Variants in PPP1R9A observed in about 807,000 individuals in gnomAD.
PPP1R9A encodes the protein neurabin-1.
In PPP1R9A, 59 loss-of-function variants were observed where a neutral mutation model predicts 141.9. The ratio of observed to expected loss-of-function variants is 0.42; its 90% CI spans 0.34 to 0.52. The LOEUF (loss-of-function observed/expected upper bound fraction) is 0.52, where lower values mean the gene tolerates loss of function less well. Ranked by LOEUF, PPP1R9A falls within the 20% of genes least tolerant of loss-of-function variation. The pLI, the probability that PPP1R9A is intolerant of heterozygous loss-of-function variation, is 0.10. For synonymous variants in PPP1R9A, 500 were observed against 569.7 expected (o/e 0.88, Z 1.74); for missense variants, 1,444 against 1,611.9 (o/e 0.90, Z 1.78).
In PPP1R9A at chr7:95,284,332, T is replaced by C; in HGVS notation, c.3609+2T>C. 3 of 1,460,992 alleles carry C rather than the reference T, an allele frequency of 2.1e-6. No individual in the cohort carries two copies. Among genetic ancestry groups the C allele is most frequent in the Non-Finnish European group, 2.8e-6 (3 of 1,080,888 alleles). 90.5% of individuals were successfully genotyped at this position (1,460,992 alleles called of 1,614,324 possible). The stretch of plus-strand genomic sequence containing the variant: ...GTAGTCTGGATCCAAGAAACCAATG[T>C]AATAACACTGCAATAAACAATGCAT... On this transcript the variant is annotated splice_donor_variant, in intron 17 of 19. Transcript: ENST00000433360. LOFTEE classifies it high-confidence loss of function.
In PPP1R9A at chr7:95,284,260, A is replaced by C; in HGVS notation, c.3539A>C (p.Asn1180Thr). Residue 1180 changes from asparagine (N) to threonine (T), a missense_variant, in exon 17 of 20, where the codon AAT (asparagine) becomes ACT (threonine). By Grantham distance (65) the Asn-to-Thr change is moderately conservative (BLOSUM62 0). Coordinates refer to ENST00000433360, the MANE Select transcript of PPP1R9A (RefSeq NM_001166160.2). ...ACAAAAGCAAACAAGAGAAACCCAAATCCCTCCTCTTCTTCAATCTTTGGA... is the reference window on the plus strand; with the variant it reads ...ACAAAAGCAAACAAGAGAAACCCAACTCCCTCCTCTTCTTCAATCTTTGGA... ...WITKANKRNP[N>T]PSSSSIFGRH... The C allele has an allele frequency of 6.4e-7, 1 of 1,572,928 alleles. No individual in the cohort carries two copies.
chr7:95,192,807 AAAT>A (rs140845149), intron 5 of PPP1R9A, among the ~76,000 whole-genome samples: 1,736 of 152,232 alleles, frequency 0.011, 29 homozygotes, highest in African/African-American at 0.04. Flanking sequence ...TTCATAACTG[AAAT>A]AATAACCTTA....
At chr7:95,161,187 T>G (rs931430677) in intron 4 of PPP1R9A, among the ~76,000 whole-genome samples, 12 of 147,220 alleles carry the variant, frequency 8.2e-5, no homozygotes, top group South Asian at 2.1e-4. Flanking sequence ...CATCTGTTTG[T>G]TTTTTTTTTA....
intron 5 of PPP1R9A, among the ~76,000 whole-genome samples, chr7:95,176,311 A>G (rs2152769552): frequency 6.6e-6 from 1 of 152,264 alleles, no homozygotes; most frequent in East Asian, 1.9e-4. Flanking sequence ...GGGGGAGAGT[A>G]CTACATCAAG....
intron 2 of PPP1R9A, among the ~76,000 whole-genome samples, chr7:94,956,357 C>A (rs148482389): frequency 1.4e-4 from 21 of 152,080 alleles, no homozygotes; most frequent in Admixed American, 1.3e-3. Context: ...AATTTTAGAT[C>A]TTTTATTTTC....
At chr7:95,098,581 ATTC>A (rs1818350175) in intron 2 of PPP1R9A, among the ~76,000 whole-genome samples, 1 of 152,040 alleles carries the variant, frequency 6.6e-6, no homozygotes, top group Admixed American at 6.5e-5. Flanking sequence ...GTGTTTTGGC[ATTC>A]TCTTCCACCA....
At chr7:94,968,933 G>A (rs1401789907) in intron 2 of PPP1R9A, among the ~76,000 whole-genome samples, 5 of 151,404 alleles carry the variant, frequency 3.3e-5, no homozygotes, top group African/African-American at 1.2e-4. Context: ...TGATCGATTC[G>A]GCTATTGATA....
chr7:95,133,832 T>G (rs1274033999), intron 4 of PPP1R9A, among the ~76,000 whole-genome samples: 1 of 151,862 alleles, frequency 6.6e-6, no homozygotes, highest in Non-Finnish European at 1.5e-5. Context: ...TGGGACCACA[T>G]GTGCACACCA....
chr7:94,919,733 G>T (rs1792552954), intron 2 of PPP1R9A, among the ~76,000 whole-genome samples: 1 of 152,050 alleles, frequency 6.6e-6, no homozygotes, highest in Non-Finnish European at 1.5e-5. Flanking sequence ...TGAGTGATTT[G>T]AAGCAGATAT....
At chr7:95,106,536 A>G (rs1169447604) in intron 2 of PPP1R9A, among the ~76,000 whole-genome samples, 2 of 152,182 alleles carry the variant, frequency 1.3e-5, no homozygotes, top group African/African-American at 2.4e-5. Flanking sequence ...ACATATTTGT[A>G]TATATCATGA....
chr7:95,211,371 G>A (rs1348879130), intron 7 of PPP1R9A, among the ~76,000 whole-genome samples: 1 of 152,096 alleles, frequency 6.6e-6, no homozygotes, highest in African/African-American at 2.4e-5. Context: ...TTAAAACTTT[G>A]TCTCTCTGCC....
rs1195259609 is a variant in PPP1R9A at position 95,268,579 on chromosome 7, C to T, written c.2695C>T (p.Arg899Cys). 4 of 1,613,150 alleles carry T rather than the reference C, an allele frequency of 2.5e-6. No individual in the cohort carries two copies. Among genetic ancestry groups the T allele is most frequent in the South Asian group, 1.1e-5 (1 of 91,056 alleles). The change falls in exon 13 of 20, where the codon CGC (arginine) becomes TGC (cysteine). Residue 899 changes from arginine to cysteine, a missense_variant. Physicochemically the swap from Arg to Cys is radical, Grantham distance 180. Transcript: ENST00000433360. ...GAATGAAGCAGTCCCAGAGACAGAG[C>T]GCCTGGATTCAAAAGCACTGAAAAC... ...DLNEAVPETE[R>C]LDSKALKTRA...
intron 8 of PPP1R9A, among the ~76,000 whole-genome samples, chr7:95,239,895 C>G (rs955280898): frequency 7.9e-5 from 12 of 151,700 alleles, no homozygotes; most frequent in Non-Finnish European, 1.8e-4. Context: ...CTCTTGGGTT[C>G]TAAGCGAGAT....
At chr7:95,102,288 G>A (rs1295479076) in intron 2 of PPP1R9A, among the ~76,000 whole-genome samples, 2 of 152,120 alleles carry the variant, frequency 1.3e-5, no homozygotes, top group African/African-American at 2.4e-5. Context: ...ATTAAAAAAC[G>A]TGGAACAGAT....
chr7:94,981,151 T>C (rs2151323078), intron 2 of PPP1R9A, among the ~76,000 whole-genome samples: 1 of 152,314 alleles, frequency 6.6e-6, no homozygotes, highest in Non-Finnish European at 1.5e-5. Flanking sequence ...GCTTAGGTTT[T>C]TGGTCTCAGA....
chr7:94,912,344 GTGGT>G (rs1386917214), intron 2 of PPP1R9A, among the ~76,000 whole-genome samples: 2 of 152,174 alleles, frequency 1.3e-5, no homozygotes, highest in African/African-American at 4.8e-5. Flanking sequence ...GGGGCAGGAG[GTGGT>G]TGGTTGAGTA....
intron 2 of PPP1R9A, 135 bp downstream of exon 2, chr7:94,911,643 GTTGT>G: frequency 9.1e-6 from 6 of 657,760 alleles, no homozygotes; most frequent in Non-Finnish European, 1.5e-5. Flanking sequence ...AAAATCACCT[GTTGT>G]CAGGTGATTT....
chr7:95,230,448 A>T (rs1464079901), intron 8 of PPP1R9A, among the ~76,000 whole-genome samples: 1 of 152,072 alleles, frequency 6.6e-6, no homozygotes, highest in Non-Finnish European at 1.5e-5. Flanking sequence ...TTTCAGTGAA[A>T]TAGATAGCAT....
chr7:95,211,676 A>T (rs1792158286), intron 7 of PPP1R9A, among the ~76,000 whole-genome samples: 1 of 152,122 alleles, frequency 6.6e-6, no homozygotes, highest in Non-Finnish European at 1.5e-5. Context: ...AAAATTACAG[A>T]CTGACATATA....
Sources: gnomAD v4.1 joint callset for allele counts (sites outside exome capture counted in the v4.1 genomes callset) on GRCh38, gnomAD v4.1.1 for gene constraint, MANE v1.5 for transcripts, NCBI Gene and HGNC (gene_info 2026-07-23, HGNC 2026-07-21) for gene names.